The following AKAP19 variants were observed in gnomAD, a reference collection of about 807,000 sequenced individuals.
AKAP19 encodes the protein small A-kinase anchoring protein.
the AKAP19 span, among the ~76,000 whole-genome samples, chr2:189,927,162 G>A: frequency 1.3e-5 from 2 of 152,074 alleles, no homozygotes; most frequent in East Asian, 3.9e-4. Flanking sequence ...CCAAAGTACT[G>A]GGATTACAGG....
chr2:189,923,730 C>G, the AKAP19 span: 3 of 1,613,724 alleles, frequency 1.9e-6, no homozygotes, highest in Non-Finnish European at 2.5e-6. Context: ...CGTGTACCTC[C>G]TCCTCCTCCT....
chr2:190,105,713 T>C, the AKAP19 span, among the ~76,000 whole-genome samples: 1 of 152,228 alleles, frequency 6.6e-6, no homozygotes, highest in Non-Finnish European at 1.5e-5. Context: ...TTGTCTCCCA[T>C]CTCAGCTCAG....
chr2:190,183,136 T>C, the AKAP19 span, among the ~76,000 whole-genome samples: 1 of 152,226 alleles, frequency 6.6e-6, no homozygotes, highest in African/African-American at 2.4e-5. Flanking sequence ...AGGCTGGTTT[T>C]GGAGTCTGGC....
At chr2:190,088,005 C>T in the AKAP19 span, among the ~76,000 whole-genome samples, 1 of 152,078 alleles carries the variant, frequency 6.6e-6, no homozygotes, top group Non-Finnish European at 1.5e-5. Context: ...AACCTGGCTA[C>T]CTGCTTGAAT....
chr2:190,189,199 C>T, the AKAP19 span, among the ~76,000 whole-genome samples: 1 of 152,216 alleles, frequency 6.6e-6, no homozygotes, highest in South Asian at 2.1e-4. Context: ...AAGGAGCTAT[C>T]TTGGTCTTTA....
the AKAP19 span, among the ~76,000 whole-genome samples, chr2:190,102,794 A>G: frequency 6.6e-6 from 1 of 152,288 alleles, no homozygotes; most frequent in East Asian, 1.9e-4. Context: ...ATTCTACTGA[A>G]ACTATTCCAA....
the AKAP19 span, among the ~76,000 whole-genome samples, chr2:189,905,017 T>TG: frequency 6.6e-6 from 1 of 152,002 alleles, no homozygotes; most frequent in Non-Finnish European, 1.5e-5. Flanking sequence ...CAGAGAAACA[T>TG]GGGGTTAAAT....
chr2:189,880,165 A>G, the AKAP19 span, among the ~76,000 whole-genome samples: 1 of 152,164 alleles, frequency 6.6e-6, no homozygotes, highest in East Asian at 1.9e-4. Context: ...AAAAGTGTAA[A>G]TAGGAGCCAC....
chr2:190,097,505 T>G, the AKAP19 span, among the ~76,000 whole-genome samples: 1 of 152,196 alleles, frequency 6.6e-6, no homozygotes, highest in Admixed American at 6.5e-5. Context: ...GATTTCTCTG[T>G]AGCATGCAGT....
the AKAP19 span, among the ~76,000 whole-genome samples, chr2:190,072,471 G>A: frequency 7.2e-5 from 11 of 152,112 alleles, no homozygotes; most frequent in African/African-American, 2.7e-4. Flanking sequence ...GGATCAAACA[G>A]TTGAAAATTA....
chr2:190,087,841 A>G, the AKAP19 span, among the ~76,000 whole-genome samples: 1 of 152,214 alleles, frequency 6.6e-6, no homozygotes, highest in Non-Finnish European at 1.5e-5. Context: ...ACAATCTTCT[A>G]TCTTGTTCTT....
At chr2:190,200,227 A>G in the AKAP19 span, 1 of 1,142,224 alleles carries the variant, frequency 8.8e-7, no homozygotes, top group African/African-American at 1.5e-5. Flanking sequence ...GGTGTGAAAA[A>G]GTACAAATAA....
At chr2:189,990,211 G>T in the AKAP19 span, among the ~76,000 whole-genome samples, 1 of 151,876 alleles carries the variant, frequency 6.6e-6, no homozygotes, top group Non-Finnish European at 1.5e-5. Flanking sequence ...TGCTTTTTTT[G>T]ATTTTAGGAT....
At chr2:190,092,588 C>A in the AKAP19 span, among the ~76,000 whole-genome samples, 17 of 152,022 alleles carry the variant, frequency 1.1e-4, no homozygotes, top group Admixed American at 5.9e-4. Flanking sequence ...TTTGCATAGA[C>A]CTGTCCACCT....
the AKAP19 span, among the ~76,000 whole-genome samples, chr2:190,112,913 C>G: frequency 6.6e-6 from 1 of 152,142 alleles, no homozygotes; most frequent in African/African-American, 2.4e-5. Context: ...ACAGTCTAGA[C>G]TTGGCCAATT....
At chr2:190,038,905 TTCTTCTTCTTCTTCTTCTTC>T in the AKAP19 span, among the ~76,000 whole-genome samples, 3 of 82,876 alleles carry the variant, frequency 3.6e-5, no homozygotes, top group East Asian at 2.8e-4. Flanking sequence ...TCTTTCTTTC[TTCTTCTTCTTCTTCTTCTTC>T]TTCTTCTTCT....
chr2:190,153,077 A>T, the AKAP19 span, among the ~76,000 whole-genome samples: 1 of 152,076 alleles, frequency 6.6e-6, no homozygotes, highest in Non-Finnish European at 1.5e-5. Context: ...TTGTAATTTT[A>T]GTAGAAACGG....
At chr2:190,163,455 C>CAAA in the AKAP19 span, among the ~76,000 whole-genome samples, 8 of 136,682 alleles carry the variant, frequency 5.9e-5, no homozygotes, top group African/African-American at 1.1e-4. Context: ...AAACAAAAAA[C>CAAA]AAAAAAAAAA....
At chr2:190,113,878 C>T in the AKAP19 span, among the ~76,000 whole-genome samples, 1 of 152,178 alleles carries the variant, frequency 6.6e-6, no homozygotes, top group African/African-American at 2.4e-5. Flanking sequence ...AATCTGCCTG[C>T]ATACAAGACC....
Sources: allele counts gnomAD v4.1 joint callset (sites outside exome capture counted in the v4.1 genomes callset), GRCh38; gene constraint gnomAD v4.1.1; transcripts MANE v1.5; gene names NCBI Gene and HGNC (gene_info 2026-07-23, HGNC 2026-07-21).